The following XKR9 variants were observed in gnomAD, a reference collection of about 807,000 sequenced individuals.
XKR9 encodes XK related 9.
A neutral mutation model predicts 32.0 loss-of-function variants in XKR9; 32 were observed. That is an observed-to-expected ratio of 1.00 (90% CI 0.76 to 1.34). The LOEUF is 1.34. XKR9 is among the 40% of genes most tolerant of loss of function. XKR9 has a pLI of 0.00. For missense variants in XKR9, 546 were observed against 429.7 expected, an observed-to-expected ratio of 1.27 and a Z score of -2.39; for synonymous variants, 168 against 143.4, an observed-to-expected ratio of 1.17 and a Z score of -1.22.
At chr8:70,777,728 A>T (rs902370664) in intron 2 of XKR9, among the ~76,000 whole-genome samples, 2 of 151,912 alleles carry the variant, frequency 1.3e-5, no homozygotes, top group South Asian at 2.1e-4. Flanking sequence ...CATTTTTTTC[A>T]TATGTCTCTT....
At chr8:70,878,218 C>T in the XKR9 span, among the ~76,000 whole-genome samples, 1 of 152,148 alleles carries the variant, frequency 6.6e-6, no homozygotes, top group Non-Finnish European at 1.5e-5. Context: ...TTTGTAAAGA[C>T]CATCGATGCT....
At chr8:70,988,989 G>A in the XKR9 span, among the ~76,000 whole-genome samples, 1 of 152,154 alleles carries the variant, frequency 6.6e-6, no homozygotes, top group Non-Finnish European at 1.5e-5. Context: ...CATGTGACAG[G>A]ATTTCCTTCT....
intron 4 of XKR9, among the ~76,000 whole-genome samples, chr8:70,718,788 G>A (rs1212590487): frequency 6.6e-6 from 1 of 152,120 alleles, no homozygotes; most frequent in Non-Finnish European, 1.5e-5. Context: ...ACATACATGT[G>A]CATGTCTTTA....
chr8:70,837,221 A>G, the XKR9 span, among the ~76,000 whole-genome samples: 1 of 152,134 alleles, frequency 6.6e-6, no homozygotes, highest in Non-Finnish European at 1.5e-5. Context: ...ATCAGAGTTC[A>G]TATCTCACCT....
At chr8:70,728,109 C>G (rs190197639) in intron 4 of XKR9, among the ~76,000 whole-genome samples, 9 of 152,142 alleles carry the variant, frequency 5.9e-5, no homozygotes, top group Admixed American at 5.9e-4. Flanking sequence ...AAACTATGTT[C>G]CTCCCAAAGT....
chr8:70,913,693 G>A, the XKR9 span, among the ~76,000 whole-genome samples: 47 of 152,172 alleles, frequency 3.1e-4, no homozygotes, highest in African/African-American at 1.1e-3. Flanking sequence ...CTTAGGACAC[G>A]GATTAAGAAA....
the XKR9 span, among the ~76,000 whole-genome samples, chr8:70,926,554 A>G: frequency 1.3e-5 from 2 of 152,222 alleles, no homozygotes; most frequent in Admixed American, 6.5e-5. Context: ...TTAGAACACA[A>G]TCTCGCAAAA....
At chr8:70,844,959 G>A in the XKR9 span, among the ~76,000 whole-genome samples, 2 of 152,184 alleles carry the variant, frequency 1.3e-5, no homozygotes, top group Non-Finnish European at 2.9e-5. Context: ...ACCCAAGCAA[G>A]CTCTCCAGAG....
intron 4 of XKR9, among the ~76,000 whole-genome samples, chr8:70,730,546 A>G (rs900734521): frequency 6.6e-6 from 1 of 151,890 alleles, no homozygotes; most frequent in East Asian, 1.9e-4. Flanking sequence ...TTAACCATGG[A>G]TGCATAAAGT....
chr8:70,842,764 T>C, the XKR9 span, among the ~76,000 whole-genome samples: 1 of 152,336 alleles, frequency 6.6e-6, no homozygotes, highest in South Asian at 2.1e-4. Context: ...GGCTGCTATT[T>C]ACTAGCTGAA....
At chr8:70,825,300 T>G in the XKR9 span, among the ~76,000 whole-genome samples, 1 of 152,118 alleles carries the variant, frequency 6.6e-6, no homozygotes, top group Non-Finnish European at 1.5e-5. Flanking sequence ...CTTACTTCAT[T>G]GAGTGACCTG....
the XKR9 span, among the ~76,000 whole-genome samples, chr8:71,030,918 T>C: frequency 3.9e-5 from 6 of 152,160 alleles, no homozygotes; most frequent in Non-Finnish European, 8.8e-5. Flanking sequence ...ATACTAGCAA[T>C]GGTCTAGTAT....
At chr8:71,039,884 T>C in the XKR9 span, among the ~76,000 whole-genome samples, 1 of 152,144 alleles carries the variant, frequency 6.6e-6, no homozygotes, top group East Asian at 1.9e-4. Flanking sequence ...TCTCTCCACA[T>C]ATGAAAAGAA....
the XKR9 span, among the ~76,000 whole-genome samples, chr8:70,860,007 A>G: frequency 6.6e-6 from 1 of 152,188 alleles, no homozygotes; most frequent in East Asian, 1.9e-4. Context: ...TTCCCAACAC[A>G]TAGAAATAAA....
At chr8:70,836,959 A>C in the XKR9 span, among the ~76,000 whole-genome samples, 1 of 152,000 alleles carries the variant, frequency 6.6e-6, no homozygotes, top group Non-Finnish European at 1.5e-5. Flanking sequence ...TTTTCATTTC[A>C]AAATAATTCA....
chr8:70,806,269 C>A, the XKR9 span, among the ~76,000 whole-genome samples: 1 of 149,584 alleles, frequency 6.7e-6, no homozygotes, highest in African/African-American at 2.5e-5. Flanking sequence ...CAAAGGTCAG[C>A]AGCCTCAAAT....
chr8:70,755,904 G>A (rs200524045), intron 2 of XKR9, among the ~76,000 whole-genome samples: 1 of 72,940 alleles, frequency 1.4e-5, no homozygotes, highest in Non-Finnish European at 4.6e-5. Flanking sequence ...AAAACTTAAA[G>A]TATAATAATA....
At chr8:70,758,835 G>A (rs1807266048) in intron 2 of XKR9, among the ~76,000 whole-genome samples, 1 of 152,202 alleles carries the variant, frequency 6.6e-6, no homozygotes, top group Non-Finnish European at 1.5e-5. Context: ...AAGTTACAGA[G>A]TAACAGCAAA....
chr8:70,752,040 A>T (rs10108073), intron 2 of XKR9, among the ~76,000 whole-genome samples: 16 of 152,194 alleles, frequency 1.1e-4, no homozygotes, highest in Non-Finnish European at 1.9e-4. Flanking sequence ...AAGCAAATCT[A>T]TGTATTCATC....
Sources: gnomAD v4.1 joint callset for allele counts (sites outside exome capture counted in the v4.1 genomes callset) on GRCh38, gnomAD v4.1.1 for gene constraint, MANE v1.5 for transcripts, NCBI Gene and HGNC (gene_info 2026-07-23, HGNC 2026-07-21) for gene names.